SYT16: variants seen among roughly 807,000 people sequenced by gnomAD.
The protein encoded by SYT16 is synaptotagmin-16.
In SYT16, 42 loss-of-function variants were observed where a neutral mutation model predicts 61.4. The ratio of observed to expected loss-of-function variants is 0.68; its 90% CI spans 0.53 to 0.89. SYT16 has a LOEUF of 0.89. SYT16 is among the 40% of genes least tolerant of loss of function. The pLI, the probability that SYT16 is intolerant of heterozygous loss-of-function variation, is 0.00. For synonymous variants in SYT16, 314 were observed against 302.3 expected, an observed-to-expected ratio of 1.04 and a Z score of -0.40; for missense variants, 804 against 807.3, an observed-to-expected ratio of 1.00 and a Z score of 0.05.
At chr14:61,880,951 A>T (rs996293620) in intron 1 of SYT16, among the ~76,000 whole-genome samples, 46 of 152,134 alleles carry the variant, frequency 3.0e-4, no homozygotes, top group African/African-American at 1.1e-3. Context: ...TACATACAGG[A>T]AAGAGCACAC....
intron 1 of SYT16, among the ~76,000 whole-genome samples, chr14:61,854,896 C>A (rs997477240): frequency 1.3e-5 from 2 of 152,000 alleles, no homozygotes; most frequent in African/African-American, 2.4e-5. Context: ...AATATTTCCA[C>A]CACTCCCACC....
intron 1 of SYT16, among the ~76,000 whole-genome samples, chr14:61,947,500 AT>A (rs1183174577): frequency 2.6e-5 from 4 of 152,150 alleles, no homozygotes; most frequent in African/African-American, 9.7e-5. Context: ...CACACTACTT[AT>A]GGGATTAATT....
intron 1 of SYT16, among the ~76,000 whole-genome samples, chr14:61,934,117 A>T (rs1034021254): frequency 4.6e-5 from 7 of 152,204 alleles, no homozygotes; most frequent in African/African-American, 1.7e-4. Flanking sequence ...CAACCAGCTT[A>T]TGAGATATTT....
chr14:61,932,985 A>G (rs1478657977), intron 1 of SYT16, among the ~76,000 whole-genome samples: 2 of 152,238 alleles, frequency 1.3e-5, no homozygotes, highest in African/African-American at 4.8e-5. Context: ...TCAGCTATAT[A>G]CAAAAGCATT....
At chr14:61,918,624 AGTATGAT>A (rs1040674014) in intron 1 of SYT16, among the ~76,000 whole-genome samples, 1 of 152,172 alleles carries the variant, frequency 6.6e-6, no homozygotes, top group Admixed American at 6.6e-5. Context: ...GTTTTATAAG[AGTATGAT>A]TCCACTTTTA....
chr14:61,864,822 A>G (rs2047086296), intron 1 of SYT16: 7 of 1,000,424 alleles, frequency 7.0e-6, no homozygotes, highest in East Asian at 4.8e-5. Flanking sequence ...ACAGTCTACC[A>G]TTATGACGGT....
rs1036362664 is a variant in SYT16, at chr14:61,996,356, G to A, written c.337G>A (p.Ala113Thr). Residue 113 changes from alanine (A) to threonine (T), a missense_variant, in exon 3 of 8, where the codon GCA becomes ACA. Transcript: ENST00000683842. ...QNSSPSLSQH[A>T]KDSCSTMSQW... The stretch of plus-strand genomic sequence containing the variant: ...TTCAAGCCCAAGCCTTAGCCAACAT[G>A]CAAAGGACTCATGTTCCACAATGTC... 1.9e-6 allele frequency: 3 copies of A among 1,613,420 alleles called. No individual in the cohort carries two copies. The highest frequency in any genetic ancestry group is 2.5e-6 in the Non-Finnish European group (3 of 1,179,606).
intron 1 of SYT16, among the ~76,000 whole-genome samples, chr14:61,961,340 GAAT>G (rs1473124061): frequency 1.3e-5 from 2 of 152,046 alleles, no homozygotes. Flanking sequence ...ACAACCTACA[GAAT>G]AGGAGAAACT....
At chr14:62,071,891 A>G (rs1397713560) in intron 4 of SYT16, among the ~76,000 whole-genome samples, 1 of 152,226 alleles carries the variant, frequency 6.6e-6, no homozygotes, top group Admixed American at 6.5e-5. Context: ...AGGTTGTCTC[A>G]TATTTCATCT....
At chr14:61,952,039 C>T (rs781592087) in intron 1 of SYT16, among the ~76,000 whole-genome samples, 4 of 152,122 alleles carry the variant, frequency 2.6e-5, no homozygotes, top group Non-Finnish European at 5.9e-5. Context: ...CCTTCTGCCT[C>T]AGCCTCACAA....
chr14:61,919,950 A>AT lies in SYT16; in HGVS notation c.-324-50178dup, dbSNP rs144151413. Among the ~76,000 whole-genome samples the AT allele has an allele frequency of 7.8e-5, 4 of 50,972 alleles. No individual in the cohort carries two copies. In the South Asian group the frequency reaches 2.6e-3, roughly 33 times the overall value. The allele number at this position is 50,972 out of a possible 152,430, so 33.4% of individuals were successfully genotyped here. A position where few individuals can be genotyped will look rare whatever the true frequency, so the allele number is the denominator to read the frequency against. ...TAGTCATCTCAAATCCTTGATACAC[A>AT]TTTTATCACACTCTGTTTTTCTTAT... On this transcript the variant is annotated intron_variant, in intron 1 of 7. Transcript: ENST00000683842.
chr14:61,849,054 C>G (rs2046529715), intron 1 of SYT16, among the ~76,000 whole-genome samples: 1 of 152,160 alleles, frequency 6.6e-6, no homozygotes, highest in African/African-American at 2.4e-5. Context: ...TGGGTTCTTC[C>G]CTTCAAGGCA....
chr14:62,050,974 G>T (rs1566798921), intron 3 of SYT16, among the ~76,000 whole-genome samples: 1 of 152,208 alleles, frequency 6.6e-6, no homozygotes, highest in East Asian at 1.9e-4. Flanking sequence ...TGCGTGCTGG[G>T]AGAACCACTA....
intron 3 of SYT16, among the ~76,000 whole-genome samples, chr14:62,030,900 A>T (rs566045701): frequency 1.3e-5 from 2 of 152,320 alleles, no homozygotes; most frequent in African/African-American, 4.8e-5. Flanking sequence ...ATTTGATTTC[A>T]GGTTGAATAA....
intron 7 of SYT16, among the ~76,000 whole-genome samples, chr14:62,097,919 A>C (rs529586969): frequency 6.6e-5 from 10 of 152,312 alleles, no homozygotes; most frequent in African/African-American, 2.4e-4. Flanking sequence ...TCATGTAGCT[A>C]TGCAGCTTCA....
intron 1 of SYT16, among the ~76,000 whole-genome samples, chr14:61,829,112 ATAG>A (rs1252092853): frequency 6.6e-6 from 1 of 152,334 alleles, no homozygotes; most frequent in Non-Finnish European, 1.5e-5. Context: ...CATTTTTATA[ATAG>A]TATCTACTAT....
intron 3 of SYT16, among the ~76,000 whole-genome samples, chr14:62,053,188 G>C (rs1301739311): frequency 6.6e-6 from 1 of 152,132 alleles, no homozygotes; most frequent in Non-Finnish European, 1.5e-5. Flanking sequence ...CCAGATTGTT[G>C]GTAGAAATGT....
At chr14:62,094,796 A>T (rs1021052571) in intron 7 of SYT16, among the ~76,000 whole-genome samples, 14 of 152,040 alleles carry the variant, frequency 9.2e-5, no homozygotes, top group African/African-American at 3.1e-4. Flanking sequence ...AGTATAAGGC[A>T]TTACAGGAGA....
chr14:61,859,637 A>G (rs962916505), intron 1 of SYT16, among the ~76,000 whole-genome samples: 7 of 151,880 alleles, frequency 4.6e-5, no homozygotes, highest in East Asian at 1.9e-4. Flanking sequence ...AAATTTTCCA[A>G]TGCCAAATGG....
Sources: allele counts gnomAD v4.1 joint callset (sites outside exome capture counted in the v4.1 genomes callset), GRCh38; gene constraint gnomAD v4.1.1; transcripts MANE v1.5; gene names NCBI Gene and HGNC (gene_info 2026-07-23, HGNC 2026-07-21).